KATNBL1: variants seen among roughly 807,000 people sequenced by gnomAD.
KATNBL1 encodes katanin regulatory subunit B1 like 1.
In KATNBL1, 28 loss-of-function variants were observed where a neutral mutation model predicts 44.7. That is an observed-to-expected ratio of 0.63 (90% confidence interval 0.46 to 0.86). The LOEUF is 0.86. KATNBL1 is among the 40% of genes least tolerant of loss of function. KATNBL1 has a pLI of 0.00. For synonymous variants in KATNBL1, 78 were observed against 114.9 expected (o/e 0.68, Z 2.06); for missense variants, 272 against 350.7 (o/e 0.78, Z 1.79).
At chr15:34,169,095 G>A (rs1228207287) in intron 1 of KATNBL1, among the ~76,000 whole-genome samples, 4 of 152,100 alleles carry the variant, frequency 2.6e-5, no homozygotes, top group Non-Finnish European at 5.9e-5. Context: ...GATCAGAGCA[G>A]AACTGAAGGA....
At chr15:34,181,583 CAT>C (rs1157339429) in intron 1 of KATNBL1, among the ~76,000 whole-genome samples, 2 of 51,804 alleles carry the variant, frequency 3.9e-5, no homozygotes, top group Non-Finnish European at 1.0e-4. Context: ...CATATATATA[CAT>C]ATATATACAC....
chr15:34,192,847 G>C (rs1031916259), intron 1 of KATNBL1, among the ~76,000 whole-genome samples: 1 of 152,186 alleles, frequency 6.6e-6, no homozygotes, highest in Non-Finnish European at 1.5e-5. Flanking sequence ...GGGAGCTGGG[G>C]ATCAACAGTA....
At chr15:34,199,097 G>C (rs1006788613) in intron 1 of KATNBL1, among the ~76,000 whole-genome samples, 1 of 152,080 alleles carries the variant, frequency 6.6e-6, no homozygotes, top group Admixed American at 6.6e-5. Context: ...ACCCCATCAG[G>C]TTACCTGTAT....
At chr15:34,177,984 A>G (rs1440202788) in intron 1 of KATNBL1, 1 of 152,232 alleles carries the variant, frequency 6.6e-6, no homozygotes, top group Non-Finnish European at 1.5e-5. Context: ...TTGAAGGTGA[A>G]AACAGTTTAT....
At chr15:34,159,449 G>C (rs1313374727) in intron 2 of KATNBL1, among the ~76,000 whole-genome samples, 4 of 152,156 alleles carry the variant, frequency 2.6e-5, no homozygotes, top group Admixed American at 2.0e-4. Flanking sequence ...GACCTGTCTG[G>C]CTTCTTTACA....
intron 1 of KATNBL1, among the ~76,000 whole-genome samples, chr15:34,189,605 A>G (rs1889817262): frequency 6.6e-6 from 1 of 152,238 alleles, no homozygotes; most frequent in South Asian, 2.1e-4. Flanking sequence ...TCATTCATTT[A>G]ACCAAAATGA....
At position 34,196,286 on chromosome 15, in the gene KATNBL1, C is replaced by T. The variant is rs182012154; in HGVS notation, c.-15+13665G>A. Among the ~76,000 whole-genome samples, 611 of 152,096 alleles carry T rather than the reference C, an allele frequency of 4.0e-3. 3 individuals are homozygous for T. Among genetic ancestry groups the T allele is most frequent in the South Asian group, 7.3e-3 (35 of 4,814 alleles). ...TACAAAAATTAGCCACGCATGGTGG[C>T]GCCTGCCTGTAATCCCAGCTGCTTG... On this transcript the variant is annotated intron_variant, in intron 1 of 9. Coordinates refer to ENST00000256544, the MANE Select transcript of KATNBL1 (RefSeq NM_024713.3).
rs1567532312 is a variant in KATNBL1 at position 34,181,805 on chromosome 15, T to TAC, written c.-14-18117_-14-18116dup. 6.8e-4 allele frequency among the ~76,000 whole-genome samples: 53 copies of TAC among 77,832 alleles called. 8 individuals are homozygous for TAC. Among genetic ancestry groups the TAC allele is most frequent in the South Asian group, 1.4e-3 (3 of 2,114 alleles). 51.1% of individuals were successfully genotyped at this position (77,832 alleles called of 152,430 possible). Reference sequence around the variant, plus strand: ...ATGTCCATATATATATCCATATATATACATATATACATGTCCATATATATC... The same window carrying TAC: ...ATGTCCATATATATATCCATATATATACACATATATACATGTCCATATATATC... On this transcript the variant is annotated intron_variant, in intron 1 of 9. Transcript: ENST00000256544.
chr15:34,154,576 T>C, intron 3 of KATNBL1, 68 bp downstream of exon 3: 3 of 955,062 alleles, frequency 3.1e-6, no homozygotes, highest in Non-Finnish European at 5.0e-6. Flanking sequence ...TGCTTATTTT[T>C]CCCTTATTGT....
chr15:34,179,748 A>G (rs2140963248), intron 1 of KATNBL1, among the ~76,000 whole-genome samples: 1 of 152,394 alleles, frequency 6.6e-6, no homozygotes, highest in Non-Finnish European at 1.5e-5. Context: ...CAAAACATTA[A>G]CAGAAATTAT....
chr15:34,173,455 C>T (rs1241807628), intron 1 of KATNBL1, among the ~76,000 whole-genome samples: 2 of 152,022 alleles, frequency 1.3e-5, no homozygotes, highest in East Asian at 3.9e-4. Flanking sequence ...ATTTTATATC[C>T]AGCCAAATTA....
At chr15:34,167,049 A>C (rs993627266) in intron 1 of KATNBL1, among the ~76,000 whole-genome samples, 5 of 152,230 alleles carry the variant, frequency 3.3e-5, no homozygotes, top group African/African-American at 1.2e-4. Context: ...CCACCAAAGG[A>C]ACACAACTCC....
At chr15:34,182,585 TG>T (rs1889600192) in intron 1 of KATNBL1, among the ~76,000 whole-genome samples, 1 of 152,140 alleles carries the variant, frequency 6.6e-6, no homozygotes. Context: ...TTGGGATATA[TG>T]TTCACCCCAC....
chr15:34,151,311 T>G (rs1005697643), intron 4 of KATNBL1, among the ~76,000 whole-genome samples: 2 of 152,164 alleles, frequency 1.3e-5, no homozygotes, highest in African/African-American at 4.8e-5. Flanking sequence ...CTGTTGTGGT[T>G]TTGATTTGCA....
chr15:34,188,719 C>T (rs1370479908), intron 1 of KATNBL1, among the ~76,000 whole-genome samples: 3 of 152,308 alleles, frequency 2.0e-5, no homozygotes, highest in South Asian at 2.1e-4. Flanking sequence ...TTCTTATGAA[C>T]GCATCAGCCT....
chr15:34,145,359 A>T (rs1888276071), intron 9 of KATNBL1, 39 bp downstream of exon 9: 1 of 1,349,576 alleles, frequency 7.4e-7, no homozygotes, highest in African/African-American at 1.5e-5. Flanking sequence ...ATTATTTCTA[A>T]TTTTTAATGT....
chr15:34,156,401 T>C (rs1238413341), intron 2 of KATNBL1, among the ~76,000 whole-genome samples: 1 of 152,198 alleles, frequency 6.6e-6, no homozygotes, highest in Admixed American at 6.5e-5. Context: ...AGGACCATCA[T>C]AGTGGAAAGG....
intron 1 of KATNBL1, among the ~76,000 whole-genome samples, chr15:34,207,588 C>T (rs773850893): frequency 2.0e-5 from 3 of 150,792 alleles, no homozygotes; most frequent in East Asian, 2.0e-4. Flanking sequence ...TTCCTCCTAC[C>T]GTTGGCCTCC....
chr15:34,182,909 T>C (rs776908629), intron 1 of KATNBL1, among the ~76,000 whole-genome samples: 88 of 152,328 alleles, frequency 5.8e-4, no homozygotes, highest in Non-Finnish European at 1.0e-3. Flanking sequence ...GTATTTTGAT[T>C]GTGGTGGTAA....
Sources: gnomAD v4.1 joint callset for allele counts (sites outside exome capture counted in the v4.1 genomes callset) on GRCh38, gnomAD v4.1.1 for gene constraint, MANE v1.5 for transcripts, NCBI Gene and HGNC (gene_info 2026-07-23, HGNC 2026-07-21) for gene names.